Variants in TM9SF3 observed in about 807,000 individuals in gnomAD.
The protein encoded by TM9SF3 is SM-11044-binding protein.
TM9SF3 carries 14 observed loss-of-function variants against 78.6 expected under a neutral mutation model. The observed-to-expected ratio is 0.18, with a 90% confidence interval of 0.12 to 0.28. TM9SF3 has a LOEUF of 0.28. Among genes scored for constraint, TM9SF3 ranks in the 10% least tolerant of loss-of-function variants. The probability of loss-of-function intolerance (pLI) is 1.00; values close to 1 mark genes in which losing one functional copy is unlikely to be tolerated. For synonymous variants in TM9SF3, 231 were observed against 241.7 expected (o/e 0.96, Z 0.41); for missense variants, 496 against 721.9 (o/e 0.69, Z 3.59).
chr10:96,580,246 C>T (rs553940422), intron 1 of TM9SF3, among the ~76,000 whole-genome samples: 46 of 151,256 alleles, frequency 3.0e-4, no homozygotes, highest in African/African-American at 1.1e-3. Flanking sequence ...TGTCTTCCTC[C>T]CCTTTTCTGC....
chr10:96,584,163 A>C (rs1226068321), intron 1 of TM9SF3, among the ~76,000 whole-genome samples: 1 of 152,212 alleles, frequency 6.6e-6, no homozygotes, highest in Non-Finnish European at 1.5e-5. Context: ...CAGCTTCTAA[A>C]AGTTATTGTT....
intron 2 of TM9SF3, among the ~76,000 whole-genome samples, chr10:96,567,815 A>G (rs1012333906): frequency 6.6e-6 from 1 of 152,234 alleles, no homozygotes; most frequent in Non-Finnish European, 1.5e-5. Flanking sequence ...CTAAACAAAT[A>G]AACAAAAAAT....
chr10:96,544,256 ATTAT>A (rs1848071949), intron 8 of TM9SF3, 50 bp from the exon 9 acceptor site: 4 of 1,439,038 alleles, frequency 2.8e-6, no homozygotes, highest in South Asian at 1.5e-5. Flanking sequence ...TTAGTACGAA[ATTAT>A]TTGTTTGAAA....
At chr10:96,570,438 A>G (rs1369009366) in intron 2 of TM9SF3, among the ~76,000 whole-genome samples, 1 of 152,212 alleles carries the variant, frequency 6.6e-6, no homozygotes, top group African/African-American at 2.4e-5. Context: ...ATATATATGC[A>G]TATATATTCC....
chr10:96,533,730 C>A (rs1037952148), intron 9 of TM9SF3, among the ~76,000 whole-genome samples: 1 of 152,182 alleles, frequency 6.6e-6, no homozygotes, highest in Admixed American at 6.5e-5. Context: ...TCTTTTCTAT[C>A]CTACACTACC....
At chr10:96,561,531 C>A (rs1309443823) in intron 4 of TM9SF3, among the ~76,000 whole-genome samples, 1 of 152,186 alleles carries the variant, frequency 6.6e-6, no homozygotes, top group Non-Finnish European at 1.5e-5. Flanking sequence ...CTCTGACAAG[C>A]TCTCACTGTG....
At chr10:96,554,391 A>G (rs1003947953) in intron 5 of TM9SF3, among the ~76,000 whole-genome samples, 2 of 152,126 alleles carry the variant, frequency 1.3e-5, no homozygotes, top group East Asian at 1.9e-4. Flanking sequence ...TTGCCCCACA[A>G]AATTTCTCTC....
At chr10:96,527,125 T>C in intron 14 of TM9SF3, 88 bp downstream of exon 14, 2 of 1,159,622 alleles carry the variant, frequency 1.7e-6, no homozygotes, top group Non-Finnish European at 1.2e-6. Flanking sequence ...AAACAACAGA[T>C]AAAATTTCTT....
At chr10:96,579,999 G>C (rs1848543181) in intron 1 of TM9SF3, among the ~76,000 whole-genome samples, 1 of 152,200 alleles carries the variant, frequency 6.6e-6, no homozygotes, top group Admixed American at 6.5e-5. Context: ...CAGTCTGTGG[G>C]AAGAGAGTGC....
At position 96,528,034 on chromosome 10, in the gene TM9SF3, C is replaced by A; in HGVS notation, c.1538G>T (p.Arg513Leu). The A allele has an allele frequency of 1.2e-6, 2 of 1,609,540 alleles. No individual in the cohort carries two copies. Among genetic ancestry groups the A allele is most frequent in the Non-Finnish European group, 1.7e-6 (2 of 1,177,484 alleles). ...TYFLLNAEDY[R>L]WQWTSFLSAA... ...CTATCCACAAATAGGTACTTACCAC[C>A]GGTAATCTTCTGCATTTAGTAGAAA... is the stretch of plus-strand genomic sequence containing the variant. Residue 513 changes from arginine to leucine, a missense_variant, in exon 12 of 15, where the codon CGG (arginine) becomes CTG (leucine). By Grantham distance (102) the Arg-to-Leu change is moderately radical (BLOSUM62 -2). Around this residue, in one of 4 missense-constraint regions of TM9SF3, gnomAD observed 280 missense variants for 422.6 expected, o/e 0.66. Transcript: ENST00000371142.
At chr10:96,549,256 A>G (rs1848139292) in intron 7 of TM9SF3, among the ~76,000 whole-genome samples, 1 of 152,154 alleles carries the variant, frequency 6.6e-6, no homozygotes, top group Admixed American at 6.5e-5. Context: ...ACTTTACATT[A>G]TCTGCTCTTT....
chr10:96,549,437 C>T (rs1242081810), intron 7 of TM9SF3, among the ~76,000 whole-genome samples: 2 of 152,136 alleles, frequency 1.3e-5, no homozygotes, highest in Admixed American at 6.5e-5. Context: ...AGCTCACTAA[C>T]ACTCTTTACT....
chr10:96,540,675 A>G (rs895165677), intron 9 of TM9SF3, among the ~76,000 whole-genome samples: 3 of 147,876 alleles, frequency 2.0e-5, no homozygotes, highest in African/African-American at 5.0e-5. Flanking sequence ...TTTGATCTTG[A>G]TATCTTTATA....
At chr10:96,527,905 A>G (rs1486735057) in intron 12 of TM9SF3, 126 bp downstream of exon 12, 8 of 943,330 alleles carry the variant, frequency 8.5e-6, no homozygotes, top group Non-Finnish European at 1.2e-5. Flanking sequence ...CTGGAAAAAA[A>G]TCCCTATGCT....
At chr10:96,532,744 G>C (rs10748682) in intron 10 of TM9SF3, among the ~76,000 whole-genome samples, 134,150 of 152,176 alleles carry the variant, frequency 0.88, 59,216 homozygotes, top group East Asian at 0.99. Context: ...TAAAAACAGG[G>C]AGCAGGCCAG....
chr10:96,559,861 A>G, intron 4 of TM9SF3, 125 bp from the exon 5 acceptor site: 1 of 581,514 alleles, frequency 1.7e-6, no homozygotes, highest in Non-Finnish European at 3.0e-6. Flanking sequence ...GAAATGGAGG[A>G]AAGTTACTTA....
chr10:96,561,679 T>C (rs1489722814), intron 4 of TM9SF3, among the ~76,000 whole-genome samples: 1 of 152,202 alleles, frequency 6.6e-6, no homozygotes, highest in African/African-American at 2.4e-5. Context: ...TCTAAAAATG[T>C]AACCATAAAA....
chr10:96,579,806 T>C (rs1160868056), intron 1 of TM9SF3, among the ~76,000 whole-genome samples: 2 of 152,220 alleles, frequency 1.3e-5, no homozygotes, highest in Non-Finnish European at 2.9e-5. Context: ...ATTGCAGACC[T>C]TGATTGTCCC....
At chr10:96,522,450 G>A in intron 14 of TM9SF3, 120 bp from the exon 15 acceptor site, 3 of 745,290 alleles carry the variant, frequency 4.0e-6, no homozygotes, top group Non-Finnish European at 6.1e-6. Flanking sequence ...ATATCCTTAT[G>A]TTAGTATTCT....
Sources: gnomAD v4.1 joint callset for allele counts (sites outside exome capture counted in the v4.1 genomes callset) on GRCh38, gnomAD v4.1.1 for gene constraint, gnomAD v4.1.1 regional missense constraint, MANE v1.5 for transcripts, NCBI Gene and HGNC (gene_info 2026-07-23, HGNC 2026-07-21) for gene names.